PBX3: variants seen among roughly 807,000 people sequenced by gnomAD.
The protein encoded by PBX3 is pre-B-cell leukemia transcription factor 3.
Under a neutral mutation model 48.5 loss-of-function variants are expected in PBX3, and 14 were observed. That is an observed-to-expected ratio of 0.29 (90% CI 0.19 to 0.45). The LOEUF (loss-of-function observed/expected upper bound fraction) is 0.45. Ranked by LOEUF, PBX3 falls within the 20% of genes least tolerant of loss-of-function variation. The pLI, the probability that PBX3 is intolerant of heterozygous loss-of-function variation, is 1.00. For missense variants in PBX3, 386 were observed against 546.7 expected (o/e 0.71, Z 2.93); for synonymous variants, 210 against 200.3 (o/e 1.05, Z -0.41).
intron 2 of PBX3, among the ~76,000 whole-genome samples, chr9:125,813,660 T>A (rs183817721): frequency 6.6e-6 from 1 of 152,194 alleles, no homozygotes; most frequent in South Asian, 2.1e-4. Context: ...AAGCAGTTCC[T>A]TATATTCTGG....
chr9:125,938,672 T>C (rs1841891670), intron 5 of PBX3, among the ~76,000 whole-genome samples: 1 of 152,160 alleles, frequency 6.6e-6, no homozygotes, highest in Non-Finnish European at 1.5e-5. Flanking sequence ...GAAGGAGCAT[T>C]GTTCTTTAAA....
At chr9:125,765,222 T>A (rs1305135485) in intron 2 of PBX3, among the ~76,000 whole-genome samples, 2 of 151,658 alleles carry the variant, frequency 1.3e-5, no homozygotes, top group East Asian at 1.9e-4. Flanking sequence ...CAGTCATGGC[T>A]CACTGCAACC....
chr9:125,945,621 T>C (rs1026129217), intron 5 of PBX3, among the ~76,000 whole-genome samples: 48 of 152,214 alleles, frequency 3.2e-4, no homozygotes, highest in African/African-American at 9.7e-4. Flanking sequence ...TTCACCCTTA[T>C]ATTCTCAAGG....
chr9:125,885,602 A>G (rs1354788249), intron 2 of PBX3, among the ~76,000 whole-genome samples: 3 of 152,132 alleles, frequency 2.0e-5, no homozygotes, highest in African/African-American at 7.2e-5. Flanking sequence ...ACTGTGACAC[A>G]AGTGCAACCA....
chr9:125,846,635 T>C (rs1839431888), intron 2 of PBX3, among the ~76,000 whole-genome samples: 1 of 152,012 alleles, frequency 6.6e-6, no homozygotes, highest in African/African-American at 2.4e-5. Context: ...TGCCCCATTG[T>C]CACCTCCATC....
chr9:125,748,435 A>AT, intron 1 of PBX3, 115 bp from the exon 2 acceptor site: 1 of 1,507,740 alleles, frequency 6.6e-7, no homozygotes, highest in African/African-American at 1.4e-5. Context: ...CACGGTTCAA[A>AT]AGGGCCTTCC....
chr9:125,939,558 C>CAT (rs1841914043), intron 5 of PBX3, among the ~76,000 whole-genome samples: 1 of 152,138 alleles, frequency 6.6e-6, no homozygotes, highest in East Asian at 1.9e-4. Flanking sequence ...TTTGAACATG[C>CAT]ATATACCATT....
At position 125,796,159 on chromosome 9, in the gene PBX3, T is replaced by C. The variant is rs576094886; in HGVS notation, c.274+47536T>C. Among the ~76,000 whole-genome samples, 10 of 152,320 alleles carry C rather than the reference T, an allele frequency of 6.6e-5. No homozygotes were observed. The East Asian group carries it at 7.7e-4, about 12-fold the overall frequency. On this transcript the variant is annotated intron_variant, in intron 2 of 8. Coordinates refer to ENST00000373489, the MANE Select transcript of PBX3 (RefSeq NM_006195.6). ...TCAGATTAAAATTAGAAACTGGACT[T>C]GGCATGTATTCAGTTCACTGCCCAG...
intron 2 of PBX3, among the ~76,000 whole-genome samples, chr9:125,801,850 A>G (rs1837959352): frequency 6.6e-6 from 1 of 150,672 alleles, no homozygotes; most frequent in South Asian, 2.1e-4. Flanking sequence ...TGAATCATTT[A>G]TAAGTTGCAG....
chr9:125,880,381 C>T (rs918558096), intron 2 of PBX3, among the ~76,000 whole-genome samples: 1 of 152,212 alleles, frequency 6.6e-6, no homozygotes, highest in Non-Finnish European at 1.5e-5. Flanking sequence ...CTATAACAGA[C>T]ATAGCAGTGC....
chr9:125,835,302 G>T (rs778578582), intron 2 of PBX3, among the ~76,000 whole-genome samples: 34 of 152,118 alleles, frequency 2.2e-4, no homozygotes, highest in Non-Finnish European at 4.7e-4. Flanking sequence ...AGACACAGAG[G>T]TTAAGTGACC....
chr9:125,808,639 C>G (rs558704792), intron 2 of PBX3, among the ~76,000 whole-genome samples: 1 of 152,182 alleles, frequency 6.6e-6, no homozygotes, highest in Admixed American at 6.5e-5. Flanking sequence ...GCACTCCAGC[C>G]TGAGCTATAG....
chr9:125,852,342 G>A (rs182700207), intron 2 of PBX3, among the ~76,000 whole-genome samples: 121 of 152,240 alleles, frequency 7.9e-4, no homozygotes, highest in South Asian at 1.7e-3. Context: ...CCCATTATTA[G>A]ATCCAGCCAT....
intron 2 of PBX3, among the ~76,000 whole-genome samples, chr9:125,834,845 G>A (rs1588200028): frequency 6.7e-6 from 1 of 149,740 alleles, no homozygotes; most frequent in African/African-American, 2.4e-5. Flanking sequence ...GCGAAACCCC[G>A]TCTCTACCAA....
intron 5 of PBX3, among the ~76,000 whole-genome samples, chr9:125,937,506 A>G (rs1841865574): frequency 6.6e-6 from 1 of 152,180 alleles, no homozygotes; most frequent in South Asian, 2.1e-4. Flanking sequence ...TACCCTGTCT[A>G]AAAAGCAAAC....
At chr9:125,813,387 A>G (rs1002199434) in intron 2 of PBX3, among the ~76,000 whole-genome samples, 23 of 152,202 alleles carry the variant, frequency 1.5e-4, no homozygotes, top group African/African-American at 5.1e-4. Flanking sequence ...CTCCTTTATA[A>G]TCTTATGAAA....
intron 8 of PBX3, 40 bp from the exon 9 acceptor site, chr9:125,965,791 A>G (rs373362315): frequency 7.0e-7 from 1 of 1,436,236 alleles, no homozygotes; most frequent in African/African-American, 1.4e-5. Flanking sequence ...TAGAATTAAT[A>G]TGTAGACGTG....
chr9:125,902,279 A>G (rs907554505), intron 2 of PBX3, among the ~76,000 whole-genome samples: 3 of 151,690 alleles, frequency 2.0e-5, no homozygotes, highest in Non-Finnish European at 4.4e-5. Flanking sequence ...TAGAGCATTG[A>G]CCAGTGTTAT....
chr9:125,914,054 T>C (rs1314262631), intron 2 of PBX3, among the ~76,000 whole-genome samples: 1 of 152,166 alleles, frequency 6.6e-6, no homozygotes, highest in Non-Finnish European at 1.5e-5. Context: ...AAGATTTAAA[T>C]TAAAAATGCA....
Sources: gnomAD v4.1 joint callset for allele counts (sites outside exome capture counted in the v4.1 genomes callset) on GRCh38, gnomAD v4.1.1 for gene constraint, MANE v1.5 for transcripts, NCBI Gene and HGNC (gene_info 2026-07-23, HGNC 2026-07-21) for gene names.